ELAC2: variants seen among roughly 807,000 people sequenced by gnomAD.
ELAC2 encodes elaC ribonuclease Z 2.
Under a neutral mutation model 105.2 loss-of-function variants are expected in ELAC2, and 92 were observed. The observed-to-expected ratio is 0.87, with a 90% CI of 0.74 to 1.04. The LOEUF (loss-of-function observed/expected upper bound fraction) is 1.04. ELAC2 is among the 50% of genes least tolerant of loss of function. ELAC2 has a pLI of 0.00. For synonymous variants in ELAC2, 468 were observed against 409.1 expected (o/e 1.14, Z -1.74); for missense variants, 1,099 against 1,071.7 (o/e 1.03, Z -0.36).
At chr17:13,005,854 A>T (rs1383194165) in intron 9 of ELAC2, 29 bp from the exon 10 acceptor site, 33 of 1,613,964 alleles carry the variant, frequency 2.0e-5, no homozygotes, top group Non-Finnish European at 2.6e-5. Flanking sequence ...GCCTCTGTGA[A>T]ATGTGATTTC....
At position 13,017,828 on chromosome 17, in the gene ELAC2, C is replaced by T. The variant is rs368781017; in HGVS notation, c.120G>A (p.Leu40=). 6 of 1,590,004 alleles carry T rather than the reference C, an allele frequency of 3.8e-6. No individual in the cohort carries two copies. The highest frequency in any genetic ancestry group is 1.1e-5 in the South Asian group (1 of 88,630). ...ERPRKDPLRH[L]RTREKRGPSG... is the part of the protein sequence containing the mutation. ...ACGGTCCGCGCTTCTCTCGCGTGCG[C>T]AGGTGCCGCAGCGGGTCCTTGCGCG... Residue 40 remains leucine (L), a synonymous_variant, in exon 1 of 24, where the codon CTG becomes CTA. Transcript: ENST00000338034.
At chr17:13,002,671 G>A in intron 12 of ELAC2, 92 bp from the exon 13 acceptor site, 3 of 1,541,944 alleles carry the variant, frequency 1.9e-6, no homozygotes, top group Non-Finnish European at 2.6e-6. Context: ...TAATGAGGAT[G>A]AGGTGTTCAA....
At chr17:13,010,745 C>G in intron 7 of ELAC2, 74 bp from the exon 8 acceptor site, 1 of 1,335,952 alleles carries the variant, frequency 7.5e-7, no homozygotes, top group Non-Finnish European at 1.1e-6. Flanking sequence ...GATTATGACC[C>G]GATACCTAAT....
chr17:13,009,944 G>C (rs2143651369), intron 8 of ELAC2, among the ~76,000 whole-genome samples: 1 of 142,150 alleles, frequency 7.0e-6, no homozygotes, highest in South Asian at 2.3e-4. Flanking sequence ...AGCCGAGATT[G>C]TGCCACTGCA....
At chr17:13,010,694 A>G in intron 7 of ELAC2, 23 bp from the exon 8 acceptor site, 1 of 1,610,044 alleles carries the variant, frequency 6.2e-7, no homozygotes, top group African/African-American at 1.3e-5. Flanking sequence ...ACACTTGATT[A>G]TCACAAGGTA....
At chr17:12,993,146 C>A (rs1451835892) in intron 23 of ELAC2, 101 bp from the exon 24 acceptor site, 1 of 1,242,302 alleles carries the variant, frequency 8.0e-7, no homozygotes, top group Non-Finnish European at 1.2e-6. Flanking sequence ...GCAGCGCCAA[C>A]GCCCCTTCCT....
chr17:12,996,942 CA>C lies in ELAC2; in HGVS notation c.1521-258del, dbSNP rs57024446. On this transcript the variant is annotated intron_variant, in intron 16 of 23. Transcript: ENST00000338034. ...GTAGACTTACACAAAGGCTGGGCATCAAAAAAAAAAAAAAAAAGTTTATAGG... is the reference window on the plus strand; with the variant it reads ...GTAGACTTACACAAAGGCTGGGCATCAAAAAAAAAAAAAAAAGTTTATAGG... Among the ~76,000 whole-genome samples the C allele has an allele frequency of 0.33, 42,172 of 126,422 alleles. 5,803 individuals carry two copies. Among genetic ancestry groups the C allele is most frequent in the Middle Eastern group, 0.43 (97 of 226 alleles). 82.9% of individuals were successfully genotyped at this position (126,422 alleles called of 152,430 possible).
chr17:13,017,700 G>C lies in ELAC2; in HGVS notation c.245+3C>G, dbSNP rs772833220. 1.9e-6 allele frequency: 3 copies of C among 1,613,158 alleles called. No individual in the cohort carries two copies. The highest frequency in any genetic ancestry group is 2.5e-6 in the Non-Finnish European group (3 of 1,179,786). ...CGGGACGGGGCGTGGCTCGTTGACT[G>C]ACCGGTTGAACTCGGAGAAGACGTA... is the stretch of plus-strand genomic sequence containing the variant. On this transcript the variant is annotated splice_donor_region_variant and intron_variant, in intron 1 of 23. Coordinates refer to ENST00000338034, the MANE Select transcript of ELAC2 (RefSeq NM_018127.7).
chr17:12,996,397 A>T, intron 17 of ELAC2, 150 bp downstream of exon 17: 1 of 1,122,308 alleles, frequency 8.9e-7, no homozygotes, highest in Non-Finnish European at 1.3e-6. Flanking sequence ...GACTATGTTG[A>T]GTTTTGCAAA....
chr17:12,991,694 T>G lies in ELAC2; in HGVS notation c.*1124A>C. 1 of 208,574 alleles carries G rather than the reference T, an allele frequency of 4.8e-6. No homozygotes were observed. The highest frequency in any genetic ancestry group is 9.8e-6 in the Non-Finnish European group (1 of 102,084). 12.9% of individuals were successfully genotyped at this position (208,574 alleles called of 1,614,324 possible). ...AAACCTGCGGGGACATGGCCGTCAA[T>G]CTCAAATGCACACCGGGATGGAGCC... On this transcript the variant is annotated 3_prime_UTR_variant, in exon 24 of 24. Transcript: ENST00000338034.
intron 7 of ELAC2, 99 bp downstream of exon 7, chr17:13,011,564 C>T: frequency 6.3e-7 from 1 of 1,591,992 alleles, no homozygotes; most frequent in Admixed American, 1.7e-5. Context: ...TGTTTACACA[C>T]CTGGCTTTCT....
chr17:13,014,582 G>A (rs780396651), intron 4 of ELAC2, 86 bp from the exon 5 acceptor site: 2 of 956,648 alleles, frequency 2.1e-6, no homozygotes, highest in Non-Finnish European at 3.4e-6. Flanking sequence ...GTTACCAATA[G>A]GTATCAACAT....
intron 14 of ELAC2, chr17:13,000,548 T>C (rs552398162): frequency 1.7e-5 from 8 of 466,060 alleles, no homozygotes; most frequent in African/African-American, 7.9e-5. Context: ...CCTGGTGCAG[T>C]ACCCCTGACC....
intron 4 of ELAC2, 104 bp downstream of exon 4, chr17:13,015,664 G>A: frequency 1.1e-6 from 1 of 915,470 alleles, no homozygotes; most frequent in South Asian, 1.3e-5. Context: ...CAACGACCAG[G>A]TATCTCTGGA....
intron 15 of ELAC2, among the ~76,000 whole-genome samples, chr17:12,999,334 G>A (rs1227745924): frequency 6.6e-6 from 1 of 152,220 alleles, no homozygotes. Flanking sequence ...TACCAGGTAG[G>A]AAATGCTCTG....
At chr17:13,016,739 C>G in intron 3 of ELAC2, 123 bp downstream of exon 3, 1 of 916,006 alleles carries the variant, frequency 1.1e-6, no homozygotes, top group South Asian at 1.6e-5. Context: ...AAGATCACGC[C>G]ACTGACAAAA....
chr17:13,013,032 G>GT (rs1450928974), intron 6 of ELAC2, among the ~76,000 whole-genome samples, 175 bp downstream of exon 6: 1 of 152,174 alleles, frequency 6.6e-6, no homozygotes, highest in African/African-American at 2.4e-5. Context: ...TCAGACATCC[G>GT]TAAGTTTATA....
chr17:12,992,152 T>TTGAC lies in ELAC2; in HGVS notation c.*665_*666insGTCA, dbSNP rs1555570723. On this transcript the variant is annotated 3_prime_UTR_variant, in exon 24 of 24. Coordinates refer to ENST00000338034, the MANE Select transcript of ELAC2 (RefSeq NM_018127.7). Reference sequence around the variant, plus strand: ...TTTGATTGATTGATTGATTGATTGATAGAGAAAGCACGCCCTGCTGTGAGC... The same window carrying TTGAC: ...TTTGATTGATTGATTGATTGATTGATTGACAGAGAAAGCACGCCCTGCTGTGAGC... Among the ~76,000 whole-genome samples the TTGAC allele has an allele frequency of 2.6e-5, 4 of 150,962 alleles. No homozygotes were observed. The highest frequency in any genetic ancestry group is 5.9e-5 in the Non-Finnish European group (4 of 67,580).
rs137953448 is a variant in ELAC2, at chr17:13,002,814, GA to G, written c.1080-236del. The stretch of plus-strand genomic sequence containing the variant: ...CTGGGAAGAGTGAGAGGAAAAACAA[GA>G]AAAAGAAGATGTCCAGGGCATACAA... On this transcript the variant is annotated intron_variant, in intron 12 of 23. Transcript: ENST00000338034. 0.1 allele frequency: 62,157 copies of G among 613,852 alleles called. 3,909 individuals carry two copies. The highest frequency in any genetic ancestry group is 0.2 in the Middle Eastern group (451 of 2,230). 38.0% of individuals were successfully genotyped at this position (613,852 alleles called of 1,614,324 possible).
Sources: gnomAD v4.1 joint callset for allele counts (sites outside exome capture counted in the v4.1 genomes callset) on GRCh38, gnomAD v4.1.1 for gene constraint, MANE v1.5 for transcripts, NCBI Gene and HGNC (gene_info 2026-07-23, HGNC 2026-07-21) for gene names.